Variants in ZNF418 observed in about 807,000 individuals in gnomAD.
ZNF418 encodes the protein zinc finger protein 418.
ZNF418 carries 32 observed loss-of-function variants against 32.0 expected under a neutral mutation model. The observed-to-expected ratio is 1.00, with a 90% CI of 0.75 to 1.34. The LOEUF (loss-of-function observed/expected upper bound fraction) is 1.34, where lower values mean the gene tolerates loss of function less well. Among genes scored for constraint, ZNF418 ranks in the 40% most tolerant of loss-of-function variants. The probability of loss-of-function intolerance (pLI) is 0.00; values close to 1 mark genes in which losing one functional copy is unlikely to be tolerated. For missense variants in ZNF418, 804 were observed against 812.5 expected (o/e 0.99, Z 0.13); for synonymous variants, 276 against 270.7 (o/e 1.02, Z -0.19).
chr19:57,932,294 G>A, intron 2 of ZNF418: 2 of 750,444 alleles, frequency 2.7e-6, no homozygotes, highest in Non-Finnish European at 4.5e-6. Context: ...TTGTGCTCAG[G>A]CCATTTGAGG....
chr19:57,928,977 AAGAG>A (rs1424364413), intron 3 of ZNF418, among the ~76,000 whole-genome samples: 1 of 149,570 alleles, frequency 6.7e-6, no homozygotes, highest in Non-Finnish European at 1.5e-5. Context: ...CTGGGCGACA[AAGAG>A]AGACTCCATC....
At position 57,923,541 on chromosome 19, in the gene ZNF418, C is replaced by A. The variant is rs930034817; in HGVS notation, c.*528-252G>T. 4.4e-5 allele frequency among the ~76,000 whole-genome samples: 3 copies of A among 68,148 alleles called. No homozygotes were observed. In the East Asian group the frequency reaches 1.2e-3, roughly 27 times the overall value. 44.7% of individuals were successfully genotyped at this position (68,148 alleles called of 152,430 possible). A position where few individuals can be genotyped will look rare whatever the true frequency, so the allele number is the denominator to read the frequency against. ...ATACATATATACATATATATACATACACACACACACACACACACACACACA... is the reference window on the plus strand; with the variant it reads ...ATACATATATACATATATATACATAAACACACACACACACACACACACACA... On this transcript the variant is annotated intron_variant, in intron 4 of 5. Transcript: ENST00000396147.
In ZNF418 at chr19:57,935,250, G is replaced by C; in HGVS notation, c.-170C>G. 8.3e-7 allele frequency: 1 copy of C among 1,205,306 alleles called. No individual in the cohort carries two copies. The highest frequency in any genetic ancestry group is 1.0e-6 in the Non-Finnish European group (1 of 954,512). The allele number at this position is 1,205,306 out of a possible 1,614,324, so 74.7% of individuals were successfully genotyped here. On this transcript the variant is annotated 5_prime_UTR_variant, in exon 1 of 6. In the 5' UTR this introduces an upstream ATG that the reference lacks. Coordinates refer to ENST00000396147, the MANE Select transcript of ZNF418 (RefSeq NM_133460.3). ...CGGCGGGCGCCGTTACGGGGCCTAA[G>C]ATCTGCCTCTGTGCAGCAAGAAGGA...
In ZNF418 at chr19:57,927,043, T is replaced by G; in HGVS notation, c.1138A>C (p.Ser380Arg). 1 of 1,614,168 alleles carries G rather than the reference T, an allele frequency of 6.2e-7. No individual in the cohort carries two copies. Among genetic ancestry groups the G allele is most frequent in the Non-Finnish European group, 8.5e-7 (1 of 1,180,038 alleles). Residue 380 changes from serine (S) to arginine (R), a missense_variant, in exon 4 of 6, where the codon AGT becomes CGT. By Grantham distance (110) the Ser-to-Arg change is moderately radical (BLOSUM62 -1). Around this residue, in one of 3 missense-constraint regions of ZNF418, gnomAD observed 475 missense variants for 458.6 expected, o/e 1.04. Coordinates refer to ENST00000396147, the MANE Select transcript of ZNF418 (RefSeq NM_133460.3). Reference protein sequence around the residue: ...YECEECGKCFSQKGTLTEHHR... With the variant: ...YECEECGKCFRQKGTLTEHHR... ...TGTTCAGTTAGGGTGCCCTTTTGACTAAAACATTTTCCACATTCTTCACAC... is the reference window on the plus strand; with the variant it reads ...TGTTCAGTTAGGGTGCCCTTTTGACGAAAACATTTTCCACATTCTTCACAC...
chr19:57,927,690 C>G lies in ZNF418; in HGVS notation c.491G>C (p.Ser164Thr), dbSNP rs2072303192. 1 of 1,614,110 alleles carries G rather than the reference C, an allele frequency of 6.2e-7. No individual in the cohort carries two copies. Among genetic ancestry groups the G allele is most frequent in the Admixed American group, 1.7e-5 (1 of 60,004 alleles). ...VSEESSIFIQ[S>T]GKDFLPSSGL... ...TGAGCTGGGCAAAAAGTCCTTTCCACTCTGAATGAAGATAGATGACTCCTC... is the reference window on the plus strand; with the variant it reads ...TGAGCTGGGCAAAAAGTCCTTTCCAGTCTGAATGAAGATAGATGACTCCTC... The change falls in exon 4 of 6, where the codon AGT becomes ACT. Residue 164 changes from serine (S) to threonine (T), a missense_variant. This residue lies in a region of ZNF418 where 307 missense variants were observed against 304.9 expected (regional missense o/e 1.01). Transcript: ENST00000396147.
chr19:57,927,796 T>G lies in ZNF418; in HGVS notation c.385A>C (p.Asn129His), dbSNP rs1320606914. 10 of 1,614,210 alleles carry G rather than the reference T, an allele frequency of 6.2e-6. No homozygotes were observed. Among genetic ancestry groups the G allele is most frequent in the Non-Finnish European group, 7.6e-6 (9 of 1,180,046 alleles). ...TAGGGTTTCTCTCCAAGGTACTGATTCTGGTGCGGACGGTTTGAACTATCA... is the reference window on the plus strand; with the variant it reads ...TAGGGTTTCTCTCCAAGGTACTGATGCTGGTGCGGACGGTTTGAACTATCA... ...LYDSSNRPHQ[N>H]QYLGEKPYRS... The change falls in exon 4 of 6, where the codon AAT becomes CAT. Residue 129 changes from asparagine to histidine, a missense_variant. Around this residue, in one of 3 missense-constraint regions of ZNF418, gnomAD observed 307 missense variants for 304.9 expected, o/e 1.01. Coordinates refer to ENST00000396147, the MANE Select transcript of ZNF418 (RefSeq NM_133460.3).
At chr19:57,933,727 A>G in intron 2 of ZNF418, 90 bp downstream of exon 2, 2 of 1,561,740 alleles carry the variant, frequency 1.3e-6, no homozygotes, top group Non-Finnish European at 1.8e-6. Flanking sequence ...GCTCAAAAAA[A>G]AAAGGAAAAT....
intron 2 of ZNF418, chr19:57,932,748 G>A (rs1302598741): frequency 4.2e-6 from 3 of 714,890 alleles, no homozygotes; most frequent in African/African-American, 1.8e-5. Flanking sequence ...AATTTACCCT[G>A]AGCATGTATC....
chr19:57,935,000 A>C (rs1349638063), intron 1 of ZNF418, 161 bp downstream of exon 1: 2 of 1,424,926 alleles, frequency 1.4e-6, no homozygotes, highest in Middle Eastern at 1.9e-4. Flanking sequence ...CGCTCTCCCC[A>C]CCGCATCCCA....
At chr19:57,930,081 T>C (rs1234665908) in intron 3 of ZNF418, among the ~76,000 whole-genome samples, 1 of 152,128 alleles carries the variant, frequency 6.6e-6, no homozygotes, top group Non-Finnish European at 1.5e-5. Context: ...CATCAAGTAA[T>C]GTCAGCTAAA....
chr19:57,927,291 T>A lies in ZNF418; in HGVS notation c.890A>T (p.His297Leu). The change falls in exon 4 of 6, where the codon CAT becomes CTT. Residue 297 changes from histidine (H) to leucine (L), a missense_variant. Coordinates refer to ENST00000396147, the MANE Select transcript of ZNF418 (RefSeq NM_133460.3). ...CTGATGCTGAACAAGGCTGCCCTTA[T>A]GACTAAAAGATTTCCCACATTCTCC... ...ECGECGKSFS[H>L]KGSLVQHQRV... 6.2e-7 allele frequency: 1 copy of A among 1,613,996 alleles called. No homozygotes were observed. The highest frequency in any genetic ancestry group is 1.1e-5 in the South Asian group (1 of 91,032).
rs774222602 is a variant in ZNF418, at chr19:57,927,433, T to C, written c.748A>G (p.Arg250Gly). Reference sequence around the variant, plus strand: ...TAAGGTCTTTTCCCAGTGTGAACTCTCTGATGATTACTGACGCTATCATAT... The same window carrying C: ...TAAGGTCTTTTCCCAGTGTGAACTCCCTGATGATTACTGACGCTATCATAT... The part of the protein sequence containing the change: ...SKYDSVSNHQ[R>G]VHTGKRPYEC... The change falls in exon 4 of 6, where the codon AGA becomes GGA. Residue 250 changes from arginine (R) to glycine (G), a missense_variant. Physicochemically the swap from Arg to Gly is moderately radical, Grantham distance 125 (BLOSUM62 -2). This residue lies in a region of ZNF418 where 307 missense variants were observed against 304.9 expected (regional missense o/e 1.01). Transcript: ENST00000396147. 4 of 1,614,168 alleles carry C rather than the reference T, an allele frequency of 2.5e-6. No homozygotes were observed. In the South Asian group the frequency reaches 4.4e-5, roughly 18 times the overall value.
At position 57,922,186 on chromosome 19, in the gene ZNF418, G is replaced by A. The variant is rs559202185; in HGVS notation, c.*1069C>T. ...TGCTGTCAGATATATCTGTTATACAGTGTCGAACTCCTGGCCTCCAGGATG... is the reference window on the plus strand; with the variant it reads ...TGCTGTCAGATATATCTGTTATACAATGTCGAACTCCTGGCCTCCAGGATG... On this transcript the variant is annotated 3_prime_UTR_variant, in exon 6 of 6. Transcript: ENST00000396147. 6.2e-6 allele frequency: 1 copy of A among 161,190 alleles called. No individual in the cohort carries two copies. The highest frequency in any genetic ancestry group is 6.4e-5 in the Admixed American group (1 of 15,542). 10.0% of individuals were successfully genotyped at this position (161,190 alleles called of 1,614,324 possible).
chr19:57,930,627 C>G, intron 2 of ZNF418, 73 bp from the exon 3 acceptor site: 6 of 1,594,780 alleles, frequency 3.8e-6, no homozygotes, highest in Non-Finnish European at 5.1e-6. Flanking sequence ...TCTCCCACAC[C>G]CCCACCCCCT....
intron 2 of ZNF418, chr19:57,932,523 G>C (rs1261447972): frequency 1.3e-6 from 2 of 1,535,038 alleles, no homozygotes; most frequent in Non-Finnish European, 1.7e-6. Flanking sequence ...GAACCAGGTG[G>C]GGCTTTAGAT....
Position 57,926,449 on chromosome 19 carries a change from G to A in ZNF418, c.1732C>T (p.Leu578Phe). The A allele has an allele frequency of 6.2e-7, 1 of 1,613,856 alleles. No homozygotes were observed. The highest frequency in any genetic ancestry group is 8.5e-7 in the Non-Finnish European group (1 of 1,179,972). ...GTGTGAACTCTCCTGTGTTCAAGGA[G>A]ACTGGAGAAGAATTTCCCACATTCT... ...CRECGKFFSS[L>F]LEHRRVHTGE... is the part of the protein sequence containing the mutation. The change falls in exon 4 of 6, where the codon CTC becomes TTC. Residue 578 changes from leucine to phenylalanine, a missense_variant. Leu to Phe is a conservative substitution (Grantham distance 22). Transcript: ENST00000396147.
chr19:57,932,580 A>G lies in ZNF418; in HGVS notation c.6+1237T>C. On this transcript the variant is annotated intron_variant, in intron 2 of 5. Transcript: ENST00000396147. ...CTGTGTTGCACTTGGTGACCCCTCT[A>G]CAATGACGACTTTCCTCTGTCCACC... The G allele has an allele frequency of 2.6e-6, 4 of 1,527,136 alleles. No individual in the cohort carries two copies. The South Asian group carries it at 4.8e-5, about 18-fold the overall frequency. 94.6% of individuals were successfully genotyped at this position (1,527,136 alleles called of 1,614,324 possible). A position where few individuals can be genotyped will look rare whatever the true frequency, so the allele number is the denominator to read the frequency against.
chr19:57,928,161 C>G (rs1487294246), intron 3 of ZNF418, 114 bp from the exon 4 acceptor site: 2 of 938,410 alleles, frequency 2.1e-6, no homozygotes, highest in South Asian at 1.9e-5. Flanking sequence ...TTTGCAGGAA[C>G]AGAAAGTTGG....
Position 57,927,030 on chromosome 19 carries a change from G to A in ZNF418, c.1151C>T (p.Thr384Ile), listed in dbSNP as rs1165029903. ...ECGKCFSQKG[T>I]LTEHHRVHTR... ...GTGAACTCGATGATGTTCAGTTAGGGTGCCCTTTTGACTAAAACATTTTCC... is the reference window on the plus strand; with the variant it reads ...GTGAACTCGATGATGTTCAGTTAGGATGCCCTTTTGACTAAAACATTTTCC... Residue 384 changes from threonine (T) to isoleucine (I), a missense_variant, in exon 4 of 6, where the codon ACC becomes ATC. Around this residue, in one of 3 missense-constraint regions of ZNF418, gnomAD observed 475 missense variants for 458.6 expected, o/e 1.04. Transcript: ENST00000396147. The A allele has an allele frequency of 6.2e-7, 1 of 1,610,910 alleles. No homozygotes were observed. Among genetic ancestry groups the A allele is most frequent in the Non-Finnish European group, 8.5e-7 (1 of 1,179,278 alleles).
Sources: allele counts gnomAD v4.1 joint callset (sites outside exome capture counted in the v4.1 genomes callset), GRCh38; gene constraint gnomAD v4.1.1; regional missense constraint gnomAD v4.1.1; transcripts MANE v1.5; gene names NCBI Gene and HGNC (gene_info 2026-07-23, HGNC 2026-07-21).